Variants in CSMD1 observed in about 807,000 individuals in gnomAD.
The protein encoded by CSMD1 is CUB and sushi domain-containing protein 1.
A neutral mutation model predicts 417.5 loss-of-function variants in CSMD1; 213 were observed. The ratio of observed to expected loss-of-function variants is 0.51; its 90% CI spans 0.46 to 0.57. CSMD1 has a LOEUF of 0.57. Ranked by LOEUF, CSMD1 falls within the 20% of genes least tolerant of loss-of-function variation. CSMD1 has a pLI of 0.00. For synonymous variants in CSMD1, 2,862 were observed against 1,736.8 expected (o/e 1.65, Z -16.11); for missense variants, 6,923 against 4,529.7 (o/e 1.53, Z -15.17).
At chr8:4,116,721 G>C (rs901414655) in intron 3 of CSMD1, among the ~76,000 whole-genome samples, 4 of 151,938 alleles carry the variant, frequency 2.6e-5, no homozygotes, top group Non-Finnish European at 5.9e-5. Flanking sequence ...AGCAGGGCAG[G>C]TGTTGCTAAA....
intron 3 of CSMD1, among the ~76,000 whole-genome samples, chr8:4,123,424 C>T (rs1802595360): frequency 6.6e-6 from 1 of 152,098 alleles, no homozygotes; most frequent in Non-Finnish European, 1.5e-5. Flanking sequence ...TTTACTGTTT[C>T]TTAAATATAT....
intron 3 of CSMD1, among the ~76,000 whole-genome samples, chr8:4,033,983 C>A (rs949713029): frequency 1.3e-5 from 2 of 152,174 alleles, no homozygotes; most frequent in Non-Finnish European, 2.9e-5. Context: ...AGCTATGAAA[C>A]TTACTAGTAG....
Position 4,439,470 on chromosome 8 carries a change from CCTA to C in CSMD1, c.303-19408_303-19406del, listed in dbSNP as rs539465449. ...CTTTTTCCTAACATTCTTATGTTTTCCTACTTTCTTCCGTTTGACGAACAAGCT... is the reference window on the plus strand; with the variant it reads ...CTTTTTCCTAACATTCTTATGTTTTCCTTTCTTCCGTTTGACGAACAAGCT... On this transcript the variant is annotated intron_variant, in intron 2 of 69. Coordinates refer to ENST00000635120, the MANE Select transcript of CSMD1 (RefSeq NM_033225.6). Among the ~76,000 whole-genome samples the C allele has an allele frequency of 5.2e-3, 789 of 152,002 alleles. 4 individuals are homozygous for C. Among genetic ancestry groups the C allele is most frequent in the African/African-American group, 0.018 (726 of 41,480 alleles).
At chr8:4,198,592 A>C in intron 3 of CSMD1, among the ~76,000 whole-genome samples, 1 of 152,120 alleles carries the variant, frequency 6.6e-6, no homozygotes, top group East Asian at 1.9e-4. Context: ...AGCGCCTTTG[A>C]TTTTAACGTA....
intron 3 of CSMD1, among the ~76,000 whole-genome samples, chr8:4,322,393 C>A (rs1799320625): frequency 6.6e-6 from 1 of 152,106 alleles, no homozygotes; most frequent in African/African-American, 2.4e-5. Flanking sequence ...TTGGCAAAAG[C>A]ATCTCACCTA....
chr8:4,389,752 T>C (rs1205165422), intron 3 of CSMD1, among the ~76,000 whole-genome samples: 1 of 152,186 alleles, frequency 6.6e-6, no homozygotes, highest in Non-Finnish European at 1.5e-5. Flanking sequence ...TACACAAATA[T>C]ATTGTTTGCT....
intron 26 of CSMD1, among the ~76,000 whole-genome samples, chr8:3,279,394 G>A (rs974561180): frequency 2.6e-5 from 4 of 152,160 alleles, no homozygotes; most frequent in Admixed American, 6.5e-5. Context: ...GCTAGAACTG[G>A]ATATAATTTG....
chr8:4,412,218 T>C (rs1294641113), intron 3 of CSMD1, among the ~76,000 whole-genome samples: 2 of 152,126 alleles, frequency 1.3e-5, no homozygotes, highest in East Asian at 1.9e-4. Context: ...ACCCCCAGTA[T>C]TGGAGGTAGG....
intron 6 of CSMD1, among the ~76,000 whole-genome samples, chr8:3,715,913 G>C (rs1439263423): frequency 6.6e-6 from 1 of 152,212 alleles, no homozygotes; most frequent in African/African-American, 2.4e-5. Context: ...TTCCTCTGCA[G>C]CTGCTGCAGC....
chr8:3,169,603 A>G (rs1038508264), intron 37 of CSMD1, among the ~76,000 whole-genome samples: 4 of 152,206 alleles, frequency 2.6e-5, no homozygotes, highest in Non-Finnish European at 5.9e-5. Flanking sequence ...AACAATGTGC[A>G]TATACTTAAT....
intron 52 of CSMD1, among the ~76,000 whole-genome samples, chr8:3,005,804 C>T (rs1266479666): frequency 6.6e-6 from 1 of 152,114 alleles, no homozygotes; most frequent in Non-Finnish European, 1.5e-5. Flanking sequence ...GACAAACCCA[C>T]AGCCAATATC....
At chr8:3,965,435 G>C (rs1002500860) in intron 5 of CSMD1, among the ~76,000 whole-genome samples, 12 of 152,082 alleles carry the variant, frequency 7.9e-5, no homozygotes, top group Admixed American at 5.9e-4. Context: ...TCGGAAAAAG[G>C]GTAGAATGTT....
intron 28 of CSMD1, among the ~76,000 whole-genome samples, chr8:3,220,238 A>G (rs1234580646): frequency 3.3e-5 from 5 of 151,568 alleles, no homozygotes; most frequent in South Asian, 2.1e-4. Flanking sequence ...TTCTCACATC[A>G]TGTTTCACCA....
chr8:4,633,498 C>G (rs973260278), intron 2 of CSMD1, among the ~76,000 whole-genome samples: 1 of 151,946 alleles, frequency 6.6e-6, no homozygotes, highest in Non-Finnish European at 1.5e-5. Flanking sequence ...ATCCAACTGC[C>G]TCGGCCTCCC....
intron 56 of CSMD1, 146 bp downstream of exon 56, chr8:2,974,305 A>AG: frequency 2.9e-6 from 2 of 693,490 alleles, no homozygotes; most frequent in Non-Finnish European, 4.5e-6. Context: ...AGAGCGGCGT[A>AG]TTTGGCTAGA....
intron 1 of CSMD1, among the ~76,000 whole-genome samples, chr8:4,668,044 T>C (rs529745303): frequency 1.2e-3 from 181 of 152,332 alleles, no homozygotes; most frequent in Non-Finnish European, 3.1e-4. Context: ...CCTCATCTCT[T>C]ATTTTGTAAC....
At chr8:4,103,650 G>C (rs1801418592) in intron 3 of CSMD1, among the ~76,000 whole-genome samples, 1 of 152,080 alleles carries the variant, frequency 6.6e-6, no homozygotes, top group African/African-American at 2.4e-5. Flanking sequence ...ATCTCATTAG[G>C]TATCTGATAT....
chr8:4,694,195 A>C (rs1806964333), intron 1 of CSMD1, among the ~76,000 whole-genome samples: 2 of 152,186 alleles, frequency 1.3e-5, no homozygotes, highest in African/African-American at 4.8e-5. Context: ...CTCTGAAATA[A>C]ATGCGTATCT....
intron 1 of CSMD1, among the ~76,000 whole-genome samples, chr8:4,895,097 G>A (rs187999922): frequency 7.2e-5 from 11 of 152,210 alleles, no homozygotes; most frequent in Admixed American, 7.2e-4. Flanking sequence ...TCACTCTCAG[G>A]AACTGGTTAT....
Sources: allele counts gnomAD v4.1 joint callset (sites outside exome capture counted in the v4.1 genomes callset), GRCh38; gene constraint gnomAD v4.1.1; transcripts MANE v1.5; gene names NCBI Gene and HGNC (gene_info 2026-07-23, HGNC 2026-07-21).